STAB1: variants seen among roughly 807,000 people sequenced by gnomAD.
STAB1 encodes the protein stabilin 1.
A neutral mutation model predicts 332.4 loss-of-function variants in STAB1; 250 were observed. The observed-to-expected ratio is 0.75, with a 90% CI of 0.68 to 0.84. The LOEUF is 0.84. Among genes scored for constraint, STAB1 ranks in the 40% least tolerant of loss-of-function variants. The pLI, the probability that STAB1 is intolerant of heterozygous loss-of-function variation, is 0.00. For synonymous variants in STAB1, 1,475 were observed against 1,390.4 expected (o/e 1.06, Z -1.35); for missense variants, 3,249 against 3,489.7 (o/e 0.93, Z 1.74).
chr3:52,507,211 A>G (rs998049550), intron 18 of STAB1, among the ~76,000 whole-genome samples: 8 of 152,046 alleles, frequency 5.3e-5, no homozygotes, highest in African/African-American at 1.7e-4. Flanking sequence ...TGCCTGGCTA[A>G]TTTTTGTATT....
At position 52,505,371 on chromosome 3, in the gene STAB1, C is replaced by T. The variant is rs1318634133; in HGVS notation, c.1571C>T (p.Thr524Ile). 1 of 1,613,608 alleles carries T rather than the reference C, an allele frequency of 6.2e-7. No homozygotes were observed. Among genetic ancestry groups the T allele is most frequent in the Admixed American group, 1.7e-5 (1 of 60,014 alleles). ...ASTEAFSRFE[T>I]ILENCGLPSI... ...ACCGAGGCCTTCAGCCGCTTTGAAA[C>T]CATCCTGGAGGTAAGCTCGGGGGAG... The change falls in exon 14 of 69, where the codon ACC becomes ATC. Residue 524 changes from threonine to isoleucine, a missense_variant. Physicochemically the swap from Thr to Ile is moderately conservative, Grantham distance 89. Transcript: ENST00000321725.
intron 55 of STAB1, 122 bp downstream of exon 55, chr3:52,521,127 G>A: frequency 7.7e-7 from 1 of 1,301,086 alleles, no homozygotes; most frequent in Non-Finnish European, 1.0e-6. Context: ...TGGGTGGTGA[G>A]TAGATTTTAC....
chr3:52,496,978 A>C (rs968228964), intron 1 of STAB1, among the ~76,000 whole-genome samples: 3 of 152,214 alleles, frequency 2.0e-5, no homozygotes, highest in Admixed American at 2.0e-4. Context: ...TCAGGAAATA[A>C]AATGGCATCT....
intron 19 of STAB1, 70 bp from the exon 20 acceptor site, chr3:52,507,861 C>G: frequency 1.3e-6 from 2 of 1,525,688 alleles, no homozygotes. Flanking sequence ...GTCCCTTAAC[C>G]AGGGCTGCCT....
Position 52,524,373 on chromosome 3 carries a change from A to G in STAB1, c.*17A>G. 6.2e-7 allele frequency: 1 copy of G among 1,613,632 alleles called. No homozygotes were observed. The stretch of plus-strand genomic sequence containing the variant: ...GTCAAGTGACGAGGCTGGGGCTGAA[A>G]GCAGAAGCATGCACAGGGAGGAGAC... On this transcript the variant is annotated 3_prime_UTR_variant, in exon 69 of 69. Transcript: ENST00000321725.
At position 52,523,850 on chromosome 3, in the gene STAB1, ACT is replaced by A. The variant is rs762595313; in HGVS notation, c.7396-17_7396-16del. The A allele has an allele frequency of 1.3e-5, 20 of 1,589,536 alleles. No individual in the cohort carries two copies. The highest frequency in any genetic ancestry group is 3.3e-4 in the Middle Eastern group (2 of 5,998). On this transcript the variant is annotated intron_variant, in intron 66 of 68. Transcript: ENST00000321725. ...GTGGGACAGCTCCCGCCAGGTCAACACTCTCCCTGTTTGTTTGTAGCAGGCAG... is the reference window on the plus strand; with the variant it reads ...GTGGGACAGCTCCCGCCAGGTCAACACTCCCTGTTTGTTTGTAGCAGGCAG...
intron 34 of STAB1, 40 bp downstream of exon 34, chr3:52,514,536 C>T: frequency 6.5e-7 from 1 of 1,527,908 alleles, no homozygotes; most frequent in Non-Finnish European, 8.8e-7. Flanking sequence ...AGCCCGGGCC[C>T]CTACCCCTGA....
Position 52,506,175 on chromosome 3 carries a change from C to G in STAB1, c.1755C>G (p.Thr585=), listed in dbSNP as rs148151324. The G allele has an allele frequency of 3.1e-6, 5 of 1,611,150 alleles. No homozygotes were observed. The East Asian group carries it at 8.9e-5, about 29-fold the overall frequency. Residue 585 remains threonine, a synonymous_variant, in exon 17 of 69, where the codon ACC becomes ACG. Coordinates refer to ENST00000321725, the MANE Select transcript of STAB1 (RefSeq NM_015136.3). ...RYHIYNHGQL[T]VEKLISKGRI... is the part of the protein sequence containing the mutation. ...CACACTGTCCCTTGCCCCAGCTGAC[C>G]GTTGAGAAGCTCATCTCCAAGGGTC...
chr3:52,516,266 G>GGGGGGC, intron 38 of STAB1, 28 bp downstream of exon 38: 4 of 794,290 alleles, frequency 5.0e-6, no homozygotes, highest in Non-Finnish European at 8.8e-6. Flanking sequence ...GCGGGGGTGG[G>GGGGGGC]CCTCCTGGCA....
At position 52,516,684 on chromosome 3, in the gene STAB1, C is replaced by A. The variant is rs747532219; in HGVS notation, c.4287-8C>A. The A allele has an allele frequency of 6.2e-7, 1 of 1,612,422 alleles. No homozygotes were observed. Among genetic ancestry groups the A allele is most frequent in the South Asian group, 1.1e-5 (1 of 91,052 alleles). On this transcript the variant is annotated splice_polypyrimidine_tract_variant and splice_region_variant and intron_variant, in intron 40 of 68. Transcript: ENST00000321725. Reference sequence around the variant, plus strand: ...CATGGGCTAAGCTGCTGCTACCACCCCTCCCAGCTGCGTGCAGGACTCGGC... The same window carrying A: ...CATGGGCTAAGCTGCTGCTACCACCACTCCCAGCTGCGTGCAGGACTCGGC...
intron 56 of STAB1, 32 bp downstream of exon 56, chr3:52,521,542 T>G: frequency 6.2e-7 from 1 of 1,613,790 alleles, no homozygotes. Flanking sequence ...CACGGCCCGA[T>G]TCCTTTGGCC....
At position 52,509,292 on chromosome 3, in the gene STAB1, C is replaced by T. The variant is rs1158836825; in HGVS notation, c.2318C>T (p.Pro773Leu). The part of the protein sequence containing the change: ...KGIACHICSN[P>L]NKHGEQCQED... ...ATCGCCTGCCACATCTGCTCGAACCCAAACAAGCATGGAGAGCAATGCCAG... is the reference window on the plus strand; with the variant it reads ...ATCGCCTGCCACATCTGCTCGAACCTAAACAAGCATGGAGAGCAATGCCAG... Residue 773 changes from proline (P) to leucine (L), a missense_variant, in exon 22 of 69, where the codon CCA (proline) becomes CTA (leucine). Physicochemically the swap from Pro to Leu is moderately conservative, Grantham distance 98 (BLOSUM62 -3). Coordinates refer to ENST00000321725, the MANE Select transcript of STAB1 (RefSeq NM_015136.3). The T allele has an allele frequency of 1.9e-6, 3 of 1,613,608 alleles. No homozygotes were observed. The Admixed American group carries it at 5.0e-5, about 27-fold the overall frequency.
chr3:52,502,044 G>A lies in STAB1; in HGVS notation c.370G>A (p.Gly124Arg), dbSNP rs771649805. Residue 124 changes from glycine to arginine, a missense_variant, in exon 4 of 69, where the codon GGG becomes AGG. Gly to Arg is a moderately radical substitution (Grantham distance 125, BLOSUM62 -2). Coordinates refer to ENST00000321725, the MANE Select transcript of STAB1 (RefSeq NM_015136.3). Reference protein sequence around the residue: ...GGAETPCNGHGTCLDGMDRNG... With the variant: ...GGAETPCNGHRTCLDGMDRNG... ...CGCTGAGACCCCATGCAATGGCCACGGGACCTGCTTGGATGGCATGGACAG... is the reference window on the plus strand; with the variant it reads ...CGCTGAGACCCCATGCAATGGCCACAGGACCTGCTTGGATGGCATGGACAG... 1.1e-5 allele frequency: 17 copies of A among 1,613,284 alleles called. 1 individual carries two copies. The highest frequency in any genetic ancestry group is 1.3e-5 in the Non-Finnish European group (15 of 1,180,024).
chr3:52,516,883 A>G (rs1033338545), intron 41 of STAB1, 101 bp from the exon 42 acceptor site: 1 of 1,595,920 alleles, frequency 6.3e-7, no homozygotes, highest in Non-Finnish European at 8.6e-7. Flanking sequence ...CTCAGGACTC[A>G]CCCTTCCCTC....
chr3:52,519,506 G>C lies in STAB1; in HGVS notation c.5177G>C (p.Arg1726Thr), dbSNP rs764230219. 11 of 1,613,282 alleles carry C rather than the reference G, an allele frequency of 6.8e-6. No homozygotes were observed. Among genetic ancestry groups the C allele is most frequent in the Non-Finnish European group, 9.3e-6 (11 of 1,180,002 alleles). ...CTGTTTATGAGAGCCTTTCCTCAGA[G>C]AAATGTCACCGCCGCCGCCCAGGGC... ...WEPDDAPIPR[R>T]NVTAAAQGFG... The change falls in exon 50 of 69, where the codon AGA (arginine) becomes ACA (threonine). Residue 1726 changes from arginine to threonine, a missense_variant and splice_region_variant. By Grantham distance (71) the Arg-to-Thr change is moderately conservative. Transcript: ENST00000321725.
Position 52,505,503 on chromosome 3 carries a change from C to A in STAB1, c.1581+122C>A, listed in dbSNP as rs1049373903. 6 of 1,223,696 alleles carry A rather than the reference C, an allele frequency of 4.9e-6. No individual in the cohort carries two copies. In the Admixed American group the frequency reaches 1.3e-4, roughly 27 times the overall value. 75.8% of individuals were successfully genotyped at this position (1,223,696 alleles called of 1,614,324 possible). On this transcript the variant is annotated intron_variant, in intron 14 of 68. Coordinates refer to ENST00000321725, the MANE Select transcript of STAB1 (RefSeq NM_015136.3). ...TGAAGTAGCATGGCCTCTGCCCATG[C>A]CCCCGTCCTCAAGCCTGAGGTTCTG...
intron 19 of STAB1, 71 bp downstream of exon 19, chr3:52,507,746 G>T (rs1390526744): frequency 6.3e-7 from 1 of 1,588,896 alleles, no homozygotes; most frequent in Non-Finnish European, 8.6e-7. Flanking sequence ...GGGTCACAGG[G>T]GTGGGTGGGG....
rs1397584590 is a variant in STAB1, at chr3:52,519,260, C to T, written c.5035-4C>T. 6.2e-7 allele frequency: 1 copy of T among 1,611,110 alleles called. No individual in the cohort carries two copies. Among genetic ancestry groups the T allele is most frequent in the East Asian group, 2.2e-5 (1 of 44,850 alleles). On this transcript the variant is annotated splice_region_variant and splice_polypyrimidine_tract_variant and intron_variant, in intron 48 of 68. Coordinates refer to ENST00000321725, the MANE Select transcript of STAB1 (RefSeq NM_015136.3). ...GCTTCATCAGCCCCGTGCCCCGCCCCCAGGGCAGCATATACCTCAATGACT... is the reference window on the plus strand; with the variant it reads ...GCTTCATCAGCCCCGTGCCCCGCCCTCAGGGCAGCATATACCTCAATGACT...
At chr3:52,518,914 C>CGCCCCTGCGCGCCATT (rs1559714169) in intron 48 of STAB1, 45 bp downstream of exon 48, 2 of 1,454,460 alleles carry the variant, frequency 1.4e-6, no homozygotes, top group Admixed American at 4.9e-5. Context: ...CGCCCCGCCC[C>CGCCCCTGCGCGCCATT]GCCCCTGCGC....
Sources: allele counts gnomAD v4.1 joint callset (sites outside exome capture counted in the v4.1 genomes callset), GRCh38; gene constraint gnomAD v4.1.1; transcripts MANE v1.5; gene names NCBI Gene and HGNC (gene_info 2026-07-23, HGNC 2026-07-21).